SLC38A9: variants seen among roughly 807,000 people sequenced by gnomAD.
The protein encoded by SLC38A9 is solute carrier family 38 member 9.
Under a neutral mutation model 62.3 loss-of-function variants are expected in SLC38A9, and 48 were observed. The observed-to-expected ratio is 0.77, with a 90% confidence interval of 0.61 to 0.98. The LOEUF is 0.98. SLC38A9 is among the 50% of genes least tolerant of loss of function. The probability of loss-of-function intolerance (pLI) is 0.00; values close to 1 mark genes in which losing one functional copy is unlikely to be tolerated. For missense variants in SLC38A9, 541 were observed against 679.8 expected (o/e 0.80, Z 2.27); for synonymous variants, 204 against 227.7 (o/e 0.90, Z 0.94).
intron 3 of SLC38A9, among the ~76,000 whole-genome samples, chr5:55,684,588 C>G (rs1561408777): frequency 1.3e-5 from 2 of 152,166 alleles, no homozygotes; most frequent in East Asian, 3.8e-4. Flanking sequence ...GCCCTGGATT[C>G]CAAATTTTCT....
intron 3 of SLC38A9, among the ~76,000 whole-genome samples, chr5:55,693,668 T>C (rs903961900): frequency 1.3e-5 from 2 of 152,218 alleles, no homozygotes; most frequent in African/African-American, 2.4e-5. Flanking sequence ...AGAATATGCC[T>C]CATTTAATTC....
At chr5:55,694,829 T>G (rs542045970) in intron 3 of SLC38A9, among the ~76,000 whole-genome samples, 1 of 151,438 alleles carries the variant, frequency 6.6e-6, no homozygotes, top group East Asian at 2.0e-4. Context: ...CTTGGCTTAC[T>G]GCAACCTCTG....
intron 12 of SLC38A9, among the ~76,000 whole-genome samples, chr5:55,644,281 A>G (rs996493998): frequency 6.6e-6 from 1 of 151,980 alleles, no homozygotes; most frequent in Non-Finnish European, 1.5e-5. Flanking sequence ...TTTTAACTGC[A>G]GAGTCTTTTA....
intron 2 of SLC38A9, among the ~76,000 whole-genome samples, chr5:55,706,511 G>A (rs950075654): frequency 3.3e-5 from 5 of 152,156 alleles, no homozygotes; most frequent in African/African-American, 9.7e-5. Flanking sequence ...AAATGTAAGG[G>A]CCACTGAGGA....
At chr5:55,696,930 C>T (rs1205829625) in intron 3 of SLC38A9, 11 of 156,204 alleles carry the variant, frequency 7.0e-5, no homozygotes, top group African/African-American at 1.3e-4. Flanking sequence ...GACGAGGCGG[C>T]GGGGCAGAGG....
At chr5:55,651,172 T>A (rs1049744518) in intron 10 of SLC38A9, among the ~76,000 whole-genome samples, 1 of 151,832 alleles carries the variant, frequency 6.6e-6, no homozygotes, top group Non-Finnish European at 1.5e-5. Flanking sequence ...TGTGGAGTTA[T>A]CGATTCCTTA....
At chr5:55,690,477 T>C (rs11960417) in intron 3 of SLC38A9, among the ~76,000 whole-genome samples, 91,191 of 151,962 alleles carry the variant, frequency 0.6, 27,937 homozygotes, top group South Asian at 0.7. Flanking sequence ...AGTAATACAA[T>C]TAGCAAGTTG....
intron 2 of SLC38A9, among the ~76,000 whole-genome samples, chr5:55,702,507 C>T (rs1259939704): frequency 6.6e-6 from 1 of 152,026 alleles, no homozygotes; most frequent in East Asian, 1.9e-4. Flanking sequence ...AATCTTTCTG[C>T]CTCAGCTTCC....
At chr5:55,633,055 G>GC (rs1020567449) in intron 14 of SLC38A9, among the ~76,000 whole-genome samples, 2 of 151,410 alleles carry the variant, frequency 1.3e-5, no homozygotes, top group African/African-American at 4.9e-5. Flanking sequence ...ATCACCCAGA[G>GC]CAGTGGCGTG....
chr5:55,693,924 G>C (rs919182958), intron 3 of SLC38A9, among the ~76,000 whole-genome samples: 2 of 152,170 alleles, frequency 1.3e-5, no homozygotes, highest in East Asian at 3.9e-4. Context: ...AAATTAGCCA[G>C]GTGCAGTGGT....
At chr5:55,703,404 A>G (rs7730505) in intron 2 of SLC38A9, among the ~76,000 whole-genome samples, 98,595 of 152,058 alleles carry the variant, frequency 0.65, 32,219 homozygotes, top group South Asian at 0.73. Flanking sequence ...TTCTTTTAAG[A>G]TAAAAAGAAT....
At chr5:55,664,181 C>T (rs942978423) in intron 8 of SLC38A9, among the ~76,000 whole-genome samples, 1 of 151,828 alleles carries the variant, frequency 6.6e-6, no homozygotes, top group African/African-American at 2.4e-5. Flanking sequence ...CTTCCTCTAT[C>T]TAACCTAAAA....
chr5:55,701,710 T>C (rs1756672675), intron 2 of SLC38A9, among the ~76,000 whole-genome samples: 4 of 152,240 alleles, frequency 2.6e-5, no homozygotes, highest in South Asian at 4.1e-4. Context: ...AGGTCGGGGA[T>C]GCTGATGAAA....
At chr5:55,691,409 G>A (rs771931233) in intron 3 of SLC38A9, 8 of 1,236,020 alleles carry the variant, frequency 6.5e-6, no homozygotes, top group Non-Finnish European at 6.2e-6. Context: ...GTAATACTGG[G>A]CATACAGAGA....
intron 8 of SLC38A9, among the ~76,000 whole-genome samples, chr5:55,662,367 G>A (rs570892510): frequency 2.0e-5 from 3 of 151,258 alleles, no homozygotes; most frequent in Non-Finnish European, 2.9e-5. Context: ...TTGCAAAAGC[G>A]TTTATGTAGA....
rs747730713 is a variant in SLC38A9 at position 55,664,818 on chromosome 5, T to C, written c.572A>G (p.His191Arg). 9 of 1,583,310 alleles carry C rather than the reference T, an allele frequency of 5.7e-6. No individual in the cohort carries two copies. Among genetic ancestry groups the C allele is most frequent in the Non-Finnish European group, 6.9e-6 (8 of 1,166,716 alleles). Residue 191 changes from histidine (H) to arginine (R), a missense_variant, in exon 8 of 16, where the codon CAT becomes CGT. Transcript: ENST00000396865. ...CCACTGCCCAAAGGAGCCGAAATAATGTCTGCAGACATCTGGATATTCCCA... is the reference window on the plus strand; with the variant it reads ...CCACTGCCCAAAGGAGCCGAAATAACGTCTGCAGACATCTGGATATTCCCA... Reference protein sequence around the residue: ...TSWEYPDVCRHYFGSFGQWSS... With the variant: ...TSWEYPDVCRRYFGSFGQWSS...
At chr5:55,678,224 A>G (rs1034320854) in intron 3 of SLC38A9, among the ~76,000 whole-genome samples, 3 of 142,450 alleles carry the variant, frequency 2.1e-5, no homozygotes, top group African/African-American at 7.7e-5. Context: ...TGCAGCCTCC[A>G]CCTCCCGGGT....
At chr5:55,695,346 TGGAG>T (rs1356913244) in intron 3 of SLC38A9, among the ~76,000 whole-genome samples, 2 of 88,466 alleles carry the variant, frequency 2.3e-5, no homozygotes, top group Non-Finnish European at 5.5e-5. Flanking sequence ...AGGACAATAG[TGGAG>T]GGAAGGTCAG....
At chr5:55,655,408 G>A (rs1225178006) in intron 9 of SLC38A9, among the ~76,000 whole-genome samples, 1 of 152,020 alleles carries the variant, frequency 6.6e-6, no homozygotes, top group Non-Finnish European at 1.5e-5. Context: ...TATCAGAATA[G>A]GTATAGTAAA....
Sources: allele counts gnomAD v4.1 joint callset (sites outside exome capture counted in the v4.1 genomes callset), GRCh38; gene constraint gnomAD v4.1.1; transcripts MANE v1.5; gene names NCBI Gene and HGNC (gene_info 2026-07-23, HGNC 2026-07-21).